Variants in ATP8B1 observed in about 807,000 individuals in gnomAD.
The protein encoded by ATP8B1 is ATPase phospholipid transporting 8B1, also known as phospholipid-transporting ATPase IC.
In ATP8B1, 80 loss-of-function variants were observed where a neutral mutation model predicts 149.9. The observed-to-expected ratio is 0.53, with a 90% CI of 0.45 to 0.64. The LOEUF (loss-of-function observed/expected upper bound fraction) is 0.64. ATP8B1 is among the 30% of genes least tolerant of loss of function. The pLI is 0.00. For missense variants in ATP8B1, 1,247 were observed against 1,552.6 expected, an observed-to-expected ratio of 0.80 and a Z score of 3.31; for synonymous variants, 536 against 562.8, an observed-to-expected ratio of 0.95 and a Z score of 0.67.
At chr18:57,774,573 G>C (rs1355212576) in intron 1 of ATP8B1, among the ~76,000 whole-genome samples, 1 of 152,036 alleles carries the variant, frequency 6.6e-6, no homozygotes, top group African/African-American at 2.4e-5. Context: ...TCCAGCCTGG[G>C]CGACAGAGTG....
chr18:57,704,237 G>A (rs530119498), intron 4 of ATP8B1, among the ~76,000 whole-genome samples: 1 of 152,240 alleles, frequency 6.6e-6, no homozygotes, highest in East Asian at 1.9e-4. Flanking sequence ...CAAAGTGCTG[G>A]GATTATAGGC....
At chr18:57,726,729 A>G (rs984666294) in intron 2 of ATP8B1, among the ~76,000 whole-genome samples, 4 of 152,218 alleles carry the variant, frequency 2.6e-5, no homozygotes, top group African/African-American at 9.6e-5. Context: ...TCAATCATAA[A>G]TTACATGACT....
intron 1 of ATP8B1, among the ~76,000 whole-genome samples, chr18:57,787,706 T>TA (rs2080423562): frequency 1.3e-5 from 2 of 152,240 alleles, no homozygotes; most frequent in African/African-American, 4.8e-5. Context: ...TCTATTCCTT[T>TA]AAAAATGCTC....
At chr18:57,772,685 TC>T (rs2080273454) in intron 1 of ATP8B1, among the ~76,000 whole-genome samples, 1 of 152,100 alleles carries the variant, frequency 6.6e-6, no homozygotes, top group Non-Finnish European at 1.5e-5. Context: ...GTGGCTCCTG[TC>T]CCTATGAAGC....
rs115673453 is a variant in ATP8B1, at chr18:57,726,347, A to C, written c.181+5280T>G. 8.1e-3 allele frequency among the ~76,000 whole-genome samples: 1,229 copies of C among 152,324 alleles called. 26 individuals carry two copies. The highest frequency in any genetic ancestry group is 0.028 in the African/African-American group (1,167 of 41,570). On this transcript the variant is annotated intron_variant, in intron 2 of 27. Coordinates refer to ENST00000648908, the MANE Select transcript of ATP8B1 (RefSeq NM_001374385.1). The stretch of plus-strand genomic sequence containing the variant: ...CAGGCAACCAAAGCAAAAACGGACA[A>C]ATGAGATCACAAGTTAAAAAGCTTC...
rs539760352 is a variant in ATP8B1 at position 57,771,010 on chromosome 18, G to A, written c.-26+31988C>T. The stretch of plus-strand genomic sequence containing the variant: ...TCCTGATAGCTGGGATTACAGGCAC[G>A]TGCCACCACACCTAGCTAATTTTTG... On this transcript the variant is annotated intron_variant, in intron 1 of 27. Transcript: ENST00000648908. Among the ~76,000 whole-genome samples, 7 of 152,252 alleles carry A rather than the reference G, an allele frequency of 4.6e-5. No homozygotes were observed. In the South Asian group the frequency reaches 1.0e-3, roughly 23 times the overall value.
At chr18:57,744,105 C>T (rs927940629) in intron 1 of ATP8B1, among the ~76,000 whole-genome samples, 1 of 151,850 alleles carries the variant, frequency 6.6e-6, no homozygotes, top group South Asian at 2.1e-4. Flanking sequence ...GCCTGAGGTC[C>T]GGAGTTTGAG....
intron 1 of ATP8B1, among the ~76,000 whole-genome samples, chr18:57,786,017 CAT>C (rs576223518): frequency 7.2e-5 from 11 of 152,208 alleles, no homozygotes; most frequent in African/African-American, 9.7e-5. Flanking sequence ...TCTCATAAAA[CAT>C]GTGTCTAATA....
intron 24 of ATP8B1, 91 bp downstream of exon 24, chr18:57,653,901 C>G: frequency 8.6e-7 from 1 of 1,163,828 alleles, no homozygotes; most frequent in Non-Finnish European, 1.3e-6. Context: ...AAGAAGTAAA[C>G]ACCAGAAGAA....
intron 2 of ATP8B1, among the ~76,000 whole-genome samples, chr18:57,723,945 G>A (rs1271703205): frequency 2.1e-4 from 30 of 146,314 alleles, no homozygotes; most frequent in Admixed American, 1.3e-3. Context: ...AAATAATGCC[G>A]CATACCTAGA....
At chr18:57,662,725 T>C (rs1910552286) in intron 20 of ATP8B1, 110 bp from the exon 21 acceptor site, 1 of 1,219,766 alleles carries the variant, frequency 8.2e-7, no homozygotes, top group African/African-American at 1.5e-5. Flanking sequence ...AAGTTTACCA[T>C]CTTACCTATT....
intron 2 of ATP8B1, among the ~76,000 whole-genome samples, chr18:57,714,478 AC>A (rs1267248274): frequency 6.7e-6 from 1 of 150,052 alleles, no homozygotes; most frequent in Non-Finnish European, 1.5e-5. Context: ...TTCATGTCTG[AC>A]CCAGTACATT....
intron 14 of ATP8B1, 67 bp downstream of exon 14, chr18:57,685,005 A>G: frequency 6.3e-7 from 1 of 1,577,238 alleles, no homozygotes; most frequent in Admixed American, 1.7e-5. Flanking sequence ...CTTCAAAGGA[A>G]GCATGGCCCT....
intron 1 of ATP8B1, among the ~76,000 whole-genome samples, chr18:57,798,717 G>A (rs2080543036): frequency 6.6e-6 from 1 of 152,200 alleles, no homozygotes; most frequent in Non-Finnish European, 1.5e-5. Flanking sequence ...CTTCTACTGT[G>A]CAGGAAGAGG....
chr18:57,756,441 C>A (rs1030031269), intron 1 of ATP8B1, among the ~76,000 whole-genome samples: 1 of 151,202 alleles, frequency 6.6e-6, no homozygotes, highest in East Asian at 1.9e-4. Flanking sequence ...GCTGGGATTA[C>A]AGGCGCCTGC....
At chr18:57,769,209 G>A (rs2080245300) in intron 1 of ATP8B1, among the ~76,000 whole-genome samples, 1 of 152,130 alleles carries the variant, frequency 6.6e-6, no homozygotes, top group Admixed American at 6.5e-5. Flanking sequence ...GGCCAGGAAG[G>A]CCTGGCCGCC....
At chr18:57,662,211 A>G (rs1910501082) in intron 21 of ATP8B1, among the ~76,000 whole-genome samples, 1 of 152,248 alleles carries the variant, frequency 6.6e-6, no homozygotes, top group Non-Finnish European at 1.5e-5. Flanking sequence ...TAAAATATAT[A>G]TGCAACAAAA....
chr18:57,697,669 G>C lies in ATP8B1; in HGVS notation c.647C>G (p.Ser216Cys). The C allele has an allele frequency of 6.2e-7, 1 of 1,613,954 alleles. No homozygotes were observed. The highest frequency in any genetic ancestry group is 8.5e-7 in the Non-Finnish European group (1 of 1,180,014). Residue 216 changes from serine to cysteine, a missense_variant, in exon 8 of 28, where the codon TCT becomes TGT. Ser to Cys is a moderately radical substitution (Grantham distance 112, BLOSUM62 -1). Around this residue, in one of 3 missense-constraint regions of ATP8B1, gnomAD observed 853 missense variants for 1,035.7 expected, o/e 0.82. Coordinates refer to ENST00000648908, the MANE Select transcript of ATP8B1 (RefSeq NM_001374385.1). ...DFVPADILLL[S>C]SSEPNSLCYV... is the part of the protein sequence containing the mutation. ...GCAGAGGCTGTTAGGCTCAGAGCTA[G>C]ACAGCAGGAGAATGTCAGCCTGTCC...
intron 1 of ATP8B1, among the ~76,000 whole-genome samples, chr18:57,760,207 G>T (rs2080134924): frequency 6.6e-6 from 1 of 152,226 alleles, no homozygotes; most frequent in Non-Finnish European, 1.5e-5. Context: ...CGGTAGAAAT[G>T]TAAGTGGAAG....
Sources: gnomAD v4.1 joint callset for allele counts (sites outside exome capture counted in the v4.1 genomes callset) on GRCh38, gnomAD v4.1.1 for gene constraint, gnomAD v4.1.1 regional missense constraint, MANE v1.5 for transcripts, NCBI Gene and HGNC (gene_info 2026-07-23, HGNC 2026-07-21) for gene names.